Variants in USP13 observed in about 807,000 individuals in gnomAD.
The protein encoded by USP13 is ubiquitin carboxyl-terminal hydrolase 13.
USP13 carries 68 observed loss-of-function variants against 107.8 expected under a neutral mutation model. The ratio of observed to expected loss-of-function variants is 0.63; its 90% confidence interval spans 0.52 to 0.77. USP13 has a LOEUF of 0.77. Ranked by LOEUF, USP13 falls within the 30% of genes least tolerant of loss-of-function variation. The probability of loss-of-function intolerance (pLI) is 0.00; values close to 1 mark genes in which losing one functional copy is unlikely to be tolerated. For missense variants in USP13, 945 were observed against 1,093.3 expected (o/e 0.86, Z 1.91); for synonymous variants, 377 against 389.5 (o/e 0.97, Z 0.38).
chr3:179,738,688 A>G (rs1714077787), intron 10 of USP13, among the ~76,000 whole-genome samples: 1 of 152,198 alleles, frequency 6.6e-6, no homozygotes, highest in Admixed American at 6.5e-5. Context: ...TCTTCAGAGC[A>G]TCCTGGGCAG....
At chr3:179,740,510 C>A in intron 11 of USP13, 138 bp downstream of exon 11, 1 of 1,346,458 alleles carries the variant, frequency 7.4e-7, no homozygotes, top group Non-Finnish European at 1.0e-6. Flanking sequence ...GGTTCAGAAT[C>A]AGATCCCTGG....
At chr3:179,702,175 A>G (rs1354856244) in intron 4 of USP13, among the ~76,000 whole-genome samples, 1 of 151,826 alleles carries the variant, frequency 6.6e-6, no homozygotes, top group Non-Finnish European at 1.5e-5. Context: ...GCCCGCCATC[A>G]CGCCTAGAGA....
intron 13 of USP13, among the ~76,000 whole-genome samples, chr3:179,750,391 A>G (rs2108522944): frequency 6.8e-6 from 1 of 147,700 alleles, no homozygotes; most frequent in African/African-American, 2.5e-5. Flanking sequence ...TTTTTGGTGC[A>G]GTTGAGGACT....
chr3:179,745,545 C>T (rs1202618014), intron 13 of USP13, among the ~76,000 whole-genome samples: 3 of 151,858 alleles, frequency 2.0e-5, no homozygotes, highest in African/African-American at 7.3e-5. Flanking sequence ...TTCCTTCCTT[C>T]CTCCTTCCCT....
chr3:179,700,905 A>G (rs915264562), intron 3 of USP13, 103 bp from the exon 4 acceptor site: 2 of 1,377,678 alleles, frequency 1.5e-6, no homozygotes, highest in Non-Finnish European at 1.9e-6. Flanking sequence ...CACCCTTGGT[A>G]TTTCATCATC....
In USP13 at chr3:179,781,744, G is replaced by GAGCTATTTGCATTCATC; in HGVS notation, c.2422_2438dup (p.His814TyrfsTer13). ...AGTTGTTTCCTCTTTCACAGCATAT[G>GAGCTATTTGCATTCATC]AGCTATTTGCATTCATCAGTCACAT... On this transcript the variant is annotated frameshift_variant, in exon 20 of 21. Transcript: ENST00000263966. LOFTEE classifies it high-confidence loss of function. 6.2e-7 allele frequency: 1 copy of GAGCTATTTGCATTCATC among 1,613,706 alleles called. No individual in the cohort carries two copies. Among genetic ancestry groups the GAGCTATTTGCATTCATC allele is most frequent in the South Asian group, 1.1e-5 (1 of 90,996 alleles).
chr3:179,707,205 T>A (rs1712752917), intron 5 of USP13, 129 bp downstream of exon 5: 4 of 1,234,186 alleles, frequency 3.2e-6, no homozygotes, highest in Middle Eastern at 2.4e-4. Flanking sequence ...AAAGTAAATA[T>A]AAAACTTCTC....
intron 3 of USP13, among the ~76,000 whole-genome samples, chr3:179,699,515 T>G (rs1477008681): frequency 6.6e-6 from 1 of 152,042 alleles, no homozygotes; most frequent in African/African-American, 2.4e-5. Flanking sequence ...TATTTGAGAC[T>G]GGCCTGAGCC....
intron 16 of USP13, among the ~76,000 whole-genome samples, chr3:179,760,125 C>G (rs575593034): frequency 6.6e-6 from 1 of 152,052 alleles, no homozygotes; most frequent in South Asian, 2.1e-4. Context: ...TTTTTCTCCT[C>G]TTTTGGTGTA....
intron 10 of USP13, among the ~76,000 whole-genome samples, chr3:179,734,119 C>T (rs1713903215): frequency 6.6e-6 from 1 of 152,132 alleles, no homozygotes; most frequent in Non-Finnish European, 1.5e-5. Flanking sequence ...ATATATACTT[C>T]CCAGTATTAA....
chr3:179,659,997 C>T (rs1322116148), intron 1 of USP13, among the ~76,000 whole-genome samples: 1 of 152,142 alleles, frequency 6.6e-6, no homozygotes, highest in Non-Finnish European at 1.5e-5. Context: ...GAGCCAAGAT[C>T]CCGCTATTCC....
chr3:179,705,698 TG>T (rs1303761382), intron 4 of USP13, among the ~76,000 whole-genome samples: 1 of 152,174 alleles, frequency 6.6e-6, no homozygotes, highest in African/African-American at 2.4e-5. Context: ...GCATTTGGGT[TG>T]TTTCCATTAT....
chr3:179,782,186 G>A (rs1374429376), intron 20 of USP13, among the ~76,000 whole-genome samples: 2 of 152,172 alleles, frequency 1.3e-5, no homozygotes, highest in Non-Finnish European at 2.9e-5. Context: ...AAACCAGGAT[G>A]CCCTATTAAA....
chr3:179,714,596 A>G (rs1713040860), intron 6 of USP13, among the ~76,000 whole-genome samples: 2 of 152,154 alleles, frequency 1.3e-5, no homozygotes. Flanking sequence ...AGCAAATATT[A>G]TGGAGCAAAC....
intron 10 of USP13, among the ~76,000 whole-genome samples, chr3:179,734,736 G>T (rs1435597951): frequency 6.6e-6 from 1 of 152,180 alleles, no homozygotes; most frequent in Admixed American, 6.5e-5. Context: ...ACACTTACTG[G>T]TTCAAGGTTT....
At chr3:179,762,303 G>T (rs1465663362) in intron 17 of USP13, among the ~76,000 whole-genome samples, 1 of 152,206 alleles carries the variant, frequency 6.6e-6, no homozygotes, top group Non-Finnish European at 1.5e-5. Context: ...CTGTTGGGTC[G>T]GGTTTGGTGG....
At chr3:179,655,366 A>G (rs529351892) in intron 1 of USP13, among the ~76,000 whole-genome samples, 1 of 152,252 alleles carries the variant, frequency 6.6e-6, no homozygotes, top group South Asian at 2.1e-4. Context: ...GAATGTTACT[A>G]TTCTAGAAAC....
chr3:179,767,314 A>G (rs1007713373), intron 19 of USP13, among the ~76,000 whole-genome samples: 2 of 152,198 alleles, frequency 1.3e-5, no homozygotes, highest in African/African-American at 4.8e-5. Context: ...AGGCTAAGTA[A>G]TAGCTTGTCA....
rs752064313 is a variant in USP13, at chr3:179,667,768, T to A, written c.169-14110T>A. 7.9e-5 allele frequency among the ~76,000 whole-genome samples: 12 copies of A among 152,328 alleles called. No individual in the cohort carries two copies. In the East Asian group the frequency reaches 9.7e-4, roughly 12 times the overall value. The stretch of plus-strand genomic sequence containing the variant: ...TTCAAGTGATTCTTCTGTCTCAGCC[T>A]CCTGAGTAGCTGGGATTAACAGGCA... On this transcript the variant is annotated intron_variant, in intron 1 of 20. Transcript: ENST00000263966.
Sources: gnomAD v4.1 joint callset for allele counts (sites outside exome capture counted in the v4.1 genomes callset) on GRCh38, gnomAD v4.1.1 for gene constraint, MANE v1.5 for transcripts, NCBI Gene and HGNC (gene_info 2026-07-23, HGNC 2026-07-21) for gene names.